The following AJAP1 variants were observed in gnomAD, a reference collection of about 807,000 sequenced individuals.
The protein encoded by AJAP1 is adherens junction-associated protein 1.
AJAP1 carries 5 observed loss-of-function variants against 35.0 expected under a neutral mutation model. The ratio of observed to expected loss-of-function variants is 0.14; its 90% confidence interval spans 0.07 to 0.30. The LOEUF (loss-of-function observed/expected upper bound fraction) is 0.30. AJAP1 is among the 10% of genes least tolerant of loss of function. AJAP1 has a pLI of 1.00. For synonymous variants in AJAP1, 284 were observed against 249.3 expected, an observed-to-expected ratio of 1.14 and a Z score of -1.31; for missense variants, 586 against 571.0, an observed-to-expected ratio of 1.03 and a Z score of -0.27.
intron 1 of AJAP1, among the ~76,000 whole-genome samples, chr1:4,683,524 T>C (rs1025945905): frequency 9.2e-5 from 14 of 152,324 alleles, no homozygotes; most frequent in African/African-American, 3.1e-4. Flanking sequence ...GGGACGTTGA[T>C]ATATGGGAAA....
At chr1:4,691,402 C>G (rs1243893476) in intron 1 of AJAP1, among the ~76,000 whole-genome samples, 3 of 152,222 alleles carry the variant, frequency 2.0e-5, no homozygotes, top group Non-Finnish European at 2.9e-5. Context: ...GACGAGGTGC[C>G]CTGTGCTTCT....
chr1:4,689,123 G>A (rs549812618), intron 1 of AJAP1, among the ~76,000 whole-genome samples: 1 of 152,248 alleles, frequency 6.6e-6, no homozygotes, highest in South Asian at 2.1e-4. Context: ...AGTTCCTGAG[G>A]TCATGTAGAG....
Position 4,712,710 on chromosome 1 carries a change from C to T in AJAP1, c.829+11C>T. The T allele has an allele frequency of 6.6e-7, 1 of 1,505,884 alleles. No homozygotes were observed. The allele number at this position is 1,505,884 out of a possible 1,614,324, so 93.3% of individuals were successfully genotyped here. Reference sequence around the variant, plus strand: ...TGGGGGAGGCCTCAGGTACAGCCATCTCTCTTCTGGTTTGGGTTTGCTTGG... The same window carrying T: ...TGGGGGAGGCCTCAGGTACAGCCATTTCTCTTCTGGTTTGGGTTTGCTTGG... On this transcript the variant is annotated intron_variant, in intron 2 of 5. Coordinates refer to ENST00000378191, the MANE Select transcript of AJAP1 (RefSeq NM_018836.4).
chr1:4,697,751 T>C (rs539202922), intron 1 of AJAP1, among the ~76,000 whole-genome samples: 1 of 152,312 alleles, frequency 6.6e-6, no homozygotes, highest in African/African-American at 2.4e-5. Flanking sequence ...AACAAGATGG[T>C]CCCAGGACGA....
In AJAP1 at chr1:4,787,709, T is replaced by A. The variant is rs1329243790; in HGVS notation, c.*5224T>A. On this transcript the variant is annotated 3_prime_UTR_variant, in exon 6 of 6. Transcript: ENST00000378191. Reference sequence around the variant, plus strand: ...CCCATGTTGGTCCCATCTGTCAGGTTGCCAGGCCAAGCAGGTCTCAGGTCA... The same window carrying A: ...CCCATGTTGGTCCCATCTGTCAGGTAGCCAGGCCAAGCAGGTCTCAGGTCA... 6 of 455,988 alleles carry A rather than the reference T, an allele frequency of 1.3e-5. No individual in the cohort carries two copies. The highest frequency in any genetic ancestry group is 2.6e-5 in the Non-Finnish European group (6 of 226,916). The allele number at this position is 455,988 out of a possible 1,614,324, so 28.2% of individuals were successfully genotyped here. A position where few individuals can be genotyped will look rare whatever the true frequency, so the allele number is the denominator to read the frequency against.
intron 2 of AJAP1, among the ~76,000 whole-genome samples, chr1:4,733,005 C>T (rs1245895787): frequency 6.6e-6 from 1 of 152,196 alleles, no homozygotes; most frequent in Non-Finnish European, 1.5e-5. Context: ...CTGGACTCTT[C>T]TTTGCCCAGC....
chr1:4,683,154 C>G (rs958126527), intron 1 of AJAP1, among the ~76,000 whole-genome samples: 1 of 152,196 alleles, frequency 6.6e-6, no homozygotes, highest in Non-Finnish European at 1.5e-5. Flanking sequence ...TAGTACTCCC[C>G]TTCTCTGTGC....
rs534368847 is a variant in AJAP1, at chr1:4,720,158, C to T, written c.829+7459C>T. Among the ~76,000 whole-genome samples the T allele has an allele frequency of 8.5e-5, 13 of 152,290 alleles. No individual in the cohort carries two copies. The South Asian group carries it at 1.7e-3, about 19-fold the overall frequency. On this transcript the variant is annotated intron_variant, in intron 2 of 5. Transcript: ENST00000378191. This position sits in a 1 kb window ranked among gnomAD's most constrained non-coding sequence, Gnocchi z 4.4. ...CCAGGTGGTCACTGACACTCAGTCC[C>T]GGAGACTCAGCCAAATTCAGAGGCA...
rs1026175747 is a variant in AJAP1 at position 4,720,355 on chromosome 1, A to C, written c.829+7656A>C. ...AAGGGAAAAAGCCTCCCTTTCCAGAAGTTTCTTTCAGCACTGGGGAAGCCA... is the reference window on the plus strand; with the variant it reads ...AAGGGAAAAAGCCTCCCTTTCCAGACGTTTCTTTCAGCACTGGGGAAGCCA... On this transcript the variant is annotated intron_variant, in intron 2 of 5. Coordinates refer to ENST00000378191, the MANE Select transcript of AJAP1 (RefSeq NM_018836.4). The surrounding 1 kb of genome is among the most constrained non-coding windows in gnomAD (Gnocchi z 4.4). Among the ~76,000 whole-genome samples, 6 of 152,184 alleles carry C rather than the reference A, an allele frequency of 3.9e-5. No homozygotes were observed. The highest frequency in any genetic ancestry group is 1.4e-4 in the African/African-American group (6 of 41,442).
intron 1 of AJAP1, among the ~76,000 whole-genome samples, chr1:4,675,639 C>T (rs1442443775): frequency 6.6e-6 from 1 of 152,212 alleles, no homozygotes. Context: ...GCCAAGGCCC[C>T]CAGGCAAACA....
intron 1 of AJAP1, among the ~76,000 whole-genome samples, chr1:4,706,224 A>G (rs1487798897): frequency 6.6e-6 from 1 of 152,186 alleles, no homozygotes; most frequent in Non-Finnish European, 1.5e-5. Context: ...CTGCTGTGTC[A>G]TAGAACAAAT....
In AJAP1 at chr1:4,723,418, A is replaced by T. The variant is rs1465829439; in HGVS notation, c.829+10719A>T. On this transcript the variant is annotated intron_variant, in intron 2 of 5. Transcript: ENST00000378191. The surrounding 1 kb of genome is among the most constrained non-coding windows in gnomAD (Gnocchi z 4.3). ...GAAGGCCATGGAGACAGTGGGGACCACTTGGACAGAGCGGGGACTGCAAGA... is the reference window on the plus strand; with the variant it reads ...GAAGGCCATGGAGACAGTGGGGACCTCTTGGACAGAGCGGGGACTGCAAGA... Among the ~76,000 whole-genome samples, 1 of 152,152 alleles carries T rather than the reference A, an allele frequency of 6.6e-6. No homozygotes were observed. Among genetic ancestry groups the T allele is most frequent in the Non-Finnish European group, 1.5e-5 (1 of 68,026 alleles).
intron 2 of AJAP1, among the ~76,000 whole-genome samples, chr1:4,741,636 C>T (rs1014906003): frequency 3.3e-5 from 5 of 152,130 alleles, no homozygotes; most frequent in South Asian, 2.1e-4. Context: ...GTTTCAAATG[C>T]GAGTGTTCAT....
chr1:4,732,685 T>C (rs1475027663), intron 2 of AJAP1, among the ~76,000 whole-genome samples: 1 of 152,090 alleles, frequency 6.6e-6, no homozygotes, highest in African/African-American at 2.4e-5. Flanking sequence ...AGTGAGGGAG[T>C]GAGGGTGAAC....
intron 1 of AJAP1, among the ~76,000 whole-genome samples, chr1:4,659,664 C>T (rs1638959604): frequency 6.6e-6 from 1 of 152,184 alleles, no homozygotes; most frequent in Non-Finnish European, 1.5e-5. Flanking sequence ...GGAGGACTGG[C>T]TACTCCTGGG....
intron 1 of AJAP1, among the ~76,000 whole-genome samples, chr1:4,665,338 G>A (rs1639093216): frequency 2.0e-5 from 3 of 152,178 alleles, no homozygotes; most frequent in Non-Finnish European, 2.9e-5. Flanking sequence ...GCATTACACT[G>A]TGCAGGCTTC....
chr1:4,686,660 G>A (rs947916523), intron 1 of AJAP1, among the ~76,000 whole-genome samples: 2 of 152,198 alleles, frequency 1.3e-5, no homozygotes, highest in East Asian at 1.9e-4. Context: ...TTACTGTTCC[G>A]ATCTCAACGC....
At position 4,784,528 on chromosome 1, in the gene AJAP1, G is replaced by A. The variant is rs1475212402; in HGVS notation, c.*2043G>A. 1 of 152,182 alleles carries A rather than the reference G, an allele frequency of 6.6e-6. No homozygotes were observed. The highest frequency in any genetic ancestry group is 2.4e-5 in the African/African-American group (1 of 41,440). The allele number at this position is 152,182 out of a possible 1,614,324, so 9.4% of individuals were successfully genotyped here. On this transcript the variant is annotated 3_prime_UTR_variant, in exon 6 of 6. Coordinates refer to ENST00000378191, the MANE Select transcript of AJAP1 (RefSeq NM_018836.4). ...TGACCTGATTCTTCCCTTGGGCTCA[G>A]TCTCCCTCTAAAACACCTTGTGATA...
intron 1 of AJAP1, among the ~76,000 whole-genome samples, chr1:4,690,308 G>T (rs542222883): frequency 6.6e-6 from 1 of 152,278 alleles, no homozygotes; most frequent in East Asian, 1.9e-4. Flanking sequence ...CCACCAAGAG[G>T]TCCCAGATGC....
Sources: gnomAD v4.1 joint callset for allele counts (sites outside exome capture counted in the v4.1 genomes callset) on GRCh38, gnomAD v4.1.1 for gene constraint, Gnocchi (gnomAD v3.1) non-coding constraint, MANE v1.5 for transcripts, NCBI Gene and HGNC (gene_info 2026-07-23, HGNC 2026-07-21) for gene names.